The following ZC3H15 variants were observed in gnomAD, a reference collection of about 807,000 sequenced individuals.
ZC3H15 encodes the protein zinc finger CCCH-type containing 15.
A neutral mutation model predicts 51.2 loss-of-function variants in ZC3H15; 15 were observed. The observed-to-expected ratio is 0.29, with a 90% CI of 0.20 to 0.45. The LOEUF (loss-of-function observed/expected upper bound fraction) is 0.45, where lower values mean the gene tolerates loss of function less well. ZC3H15 is among the 20% of genes least tolerant of loss of function. The pLI, the probability that ZC3H15 is intolerant of heterozygous loss-of-function variation, is 1.00. For synonymous variants in ZC3H15, 144 were observed against 162.8 expected (o/e 0.88, Z 0.88); for missense variants, 381 against 494.7 (o/e 0.77, Z 2.18).
rs141905977 is a variant in ZC3H15 at position 186,503,134 on chromosome 2, G to A, written c.534+547G>A. On this transcript the variant is annotated intron_variant, in intron 5 of 9. Coordinates refer to ENST00000337859, the MANE Select transcript of ZC3H15 (RefSeq NM_018471.3). The stretch of plus-strand genomic sequence containing the variant: ...TGAAGTTACAGTAAAAAGTCTTGCT[G>A]TGCTAGAATAATTCTAAATACTACA... 1.1e-4 allele frequency among the ~76,000 whole-genome samples: 16 copies of A among 152,258 alleles called. No individual in the cohort carries two copies. In the East Asian group the frequency reaches 2.9e-3, roughly 28 times the overall value.
chr2:186,490,853 C>T lies in ZC3H15; in HGVS notation c.76-4380C>T, dbSNP rs200609126. ...TTTCGAGACTCCTCTGTATTCATGT[C>T]CCAAGTTGTCTTCTGAAACACACAT... On this transcript the variant is annotated intron_variant, in intron 1 of 9. Transcript: ENST00000337859. Among the ~76,000 whole-genome samples, 11 of 152,300 alleles carry T rather than the reference C, an allele frequency of 7.2e-5. No individual in the cohort carries two copies. In the East Asian group the frequency reaches 2.1e-3, roughly 29 times the overall value.
At chr2:186,503,185 T>A (rs1452660884) in intron 5 of ZC3H15, among the ~76,000 whole-genome samples, 1 of 152,188 alleles carries the variant, frequency 6.6e-6, no homozygotes, top group Non-Finnish European at 1.5e-5. Flanking sequence ...TATGTTTGTT[T>A]TTGGGGGCGG....
intron 8 of ZC3H15, chr2:186,506,055 C>A: frequency 1.5e-6 from 1 of 653,294 alleles, no homozygotes; most frequent in Non-Finnish European, 2.8e-6. Context: ...TAATCGAGTT[C>A]ATGAATTAGT....
chr2:186,502,418 G>T, intron 4 of ZC3H15, 78 bp from the exon 5 acceptor site: 1 of 1,223,038 alleles, frequency 8.2e-7, no homozygotes. Flanking sequence ...TTATAACACA[G>T]CATTAGTGTC....
At chr2:186,497,200 GAAGA>G (rs2105589016) in intron 2 of ZC3H15, 1 of 405,378 alleles carries the variant, frequency 2.5e-6, no homozygotes, top group Non-Finnish European at 4.7e-6. Flanking sequence ...ATGTAGGAGA[GAAGA>G]AAGAATTTCT....
rs917208300 is a variant in ZC3H15, at chr2:186,486,538, G to T, written c.75+81G>T. On this transcript the variant is annotated intron_variant, in intron 1 of 9. Transcript: ENST00000337859. ...CCGCTCCGGGCTTCCCTGGGAGCCG[G>T]CTCGCTTCCTCGGGCCACGTGTTCC... is the stretch of plus-strand genomic sequence containing the variant. 1.0e-5 allele frequency: 15 copies of T among 1,448,506 alleles called. No homozygotes were observed. The East Asian group carries it at 3.4e-4, about 33-fold the overall frequency. The allele number at this position is 1,448,506 out of a possible 1,614,324, so 89.7% of individuals were successfully genotyped here.
At chr2:186,507,854 A>G (rs571875654) in intron 9 of ZC3H15, among the ~76,000 whole-genome samples, 32 of 152,336 alleles carry the variant, frequency 2.1e-4, no homozygotes, top group African/African-American at 7.5e-4. Context: ...CTTTGGTGAC[A>G]ATAGGCACAA....
intron 1 of ZC3H15, among the ~76,000 whole-genome samples, chr2:186,490,457 T>C (rs1685177998): frequency 6.6e-6 from 1 of 152,198 alleles, no homozygotes; most frequent in Admixed American, 6.5e-5. Context: ...TGGTTGCCAG[T>C]GTAGAACAGC....
intron 3 of ZC3H15, 91 bp downstream of exon 3, chr2:186,500,384 G>A (rs1369494429): frequency 9.1e-7 from 1 of 1,094,386 alleles, no homozygotes; most frequent in African/African-American, 1.6e-5. Flanking sequence ...TTTAGATAAT[G>A]AGACAGTTAT....
chr2:186,507,402 A>T (rs751868418), intron 9 of ZC3H15: 4 of 456,692 alleles, frequency 8.8e-6, no homozygotes, highest in South Asian at 6.2e-5. Flanking sequence ...TAGAGGGAAG[A>T]CATGGTCATG....
intron 1 of ZC3H15, chr2:186,487,286 A>G (rs567752790): frequency 8.5e-5 from 13 of 152,290 alleles, no homozygotes; most frequent in Non-Finnish European, 1.6e-4. Flanking sequence ...TTGTTTTCCA[A>G]CAACTGAATT....
intron 4 of ZC3H15, among the ~76,000 whole-genome samples, chr2:186,502,120 A>G (rs1381074288): frequency 6.6e-6 from 1 of 152,070 alleles, no homozygotes; most frequent in Non-Finnish European, 1.5e-5. Context: ...AGGCCAAGGC[A>G]GGAAGAATCA....
At chr2:186,497,106 A>AT (rs1486568266) in intron 2 of ZC3H15, 1 of 434,754 alleles carries the variant, frequency 2.3e-6, no homozygotes, top group Non-Finnish European at 4.5e-6. Flanking sequence ...TAAAGATTTC[A>AT]TAGACATGGA....
At position 186,498,155 on chromosome 2, in the gene ZC3H15, G is replaced by A. The variant is rs919874039; in HGVS notation, c.178-2027G>A. ...TGAGGTAGCCAAGAGAACAGTGTAC[G>A]CTAAGGGTTTGAACAGAGCCTGCAT... On this transcript the variant is annotated intron_variant, in intron 2 of 9. Coordinates refer to ENST00000337859, the MANE Select transcript of ZC3H15 (RefSeq NM_018471.3). Among the ~76,000 whole-genome samples, 5 of 152,100 alleles carry A rather than the reference G, an allele frequency of 3.3e-5. No individual in the cohort carries two copies. In the East Asian group the frequency reaches 7.7e-4, roughly 23 times the overall value.
intron 8 of ZC3H15, 61 bp downstream of exon 8, chr2:186,505,902 C>T (rs983942249): frequency 2.6e-6 from 4 of 1,541,718 alleles, no homozygotes; most frequent in East Asian, 4.6e-5. Context: ...TAGAAAATAC[C>T]ACAACATGGT....
At chr2:186,506,670 T>A in intron 8 of ZC3H15, 43 bp from the exon 9 acceptor site, 1 of 1,568,906 alleles carries the variant, frequency 6.4e-7, no homozygotes, top group South Asian at 1.2e-5. Flanking sequence ...AAAAGAAAAC[T>A]GTTCTTATTT....
In ZC3H15 at chr2:186,491,862, T is replaced by A. The variant is rs190714622; in HGVS notation, c.76-3371T>A. ...TTCTCTGTGGAAAAATGTTAATTTC[T>A]GAGCTCTAACTTAGAGGTGAACACA... On this transcript the variant is annotated intron_variant, in intron 1 of 9. Transcript: ENST00000337859. Among the ~76,000 whole-genome samples the A allele has an allele frequency of 7.6e-4, 116 of 152,296 alleles. 1 individual carries two copies. The highest frequency in any genetic ancestry group is 5.0e-3 in the South Asian group (24 of 4,818).
At chr2:186,498,215 C>T (rs1299942459) in intron 2 of ZC3H15, among the ~76,000 whole-genome samples, 2 of 152,072 alleles carry the variant, frequency 1.3e-5, no homozygotes, top group South Asian at 2.1e-4. Flanking sequence ...ACCTTTACCT[C>T]CCCCTACACC....
At chr2:186,506,096 G>T in intron 8 of ZC3H15, 1 of 543,400 alleles carries the variant, frequency 1.8e-6, no homozygotes, top group Non-Finnish European at 3.4e-6. Flanking sequence ...ACAGTGCCTA[G>T]TATGTGGTTG....
Sources: allele counts gnomAD v4.1 joint callset (sites outside exome capture counted in the v4.1 genomes callset), GRCh38; gene constraint gnomAD v4.1.1; transcripts MANE v1.5; gene names NCBI Gene and HGNC (gene_info 2026-07-23, HGNC 2026-07-21).